Variants in PCDHA3 observed in about 807,000 individuals in gnomAD.
PCDHA3 encodes protocadherin alpha-3.
Under a neutral mutation model 62.2 loss-of-function variants are expected in PCDHA3, and 41 were observed. The observed-to-expected ratio is 0.66, with a 90% CI of 0.51 to 0.86. PCDHA3 has a LOEUF of 0.86. Among genes scored for constraint, PCDHA3 ranks in the 40% least tolerant of loss-of-function variants. The pLI is 0.00. For missense variants in PCDHA3, 1,304 were observed against 1,241.2 expected (o/e 1.05, Z -0.76); for synonymous variants, 640 against 555.4 (o/e 1.15, Z -2.14).
At chr5:140,828,315 T>G in intron 1 of PCDHA3, 1 of 1,614,172 alleles carries the variant, frequency 6.2e-7, no homozygotes, top group Non-Finnish European at 8.5e-7. Flanking sequence ...GAGGACCTTC[T>G]GGAGGTAAAT....
intron 3 of PCDHA3, among the ~76,000 whole-genome samples, chr5:140,997,525 A>G (rs1293979369): frequency 6.6e-6 from 1 of 152,242 alleles, no homozygotes; most frequent in African/African-American, 2.4e-5. Flanking sequence ...AAAAAGTACA[A>G]TAAAAATACA....
chr5:140,807,407 C>T lies in PCDHA3; in HGVS notation c.2394+3816C>T, dbSNP rs1554123978. 2.6e-6 allele frequency: 4 copies of T among 1,556,782 alleles called. 1 individual carries two copies. The highest frequency in any genetic ancestry group is 3.5e-6 in the Non-Finnish European group (4 of 1,143,142). On this transcript the variant is annotated intron_variant, in intron 1 of 3. Coordinates refer to ENST00000522353, the MANE Select transcript of PCDHA3 (RefSeq NM_018906.3). ...GGTGGCGTCCAAGGGCCGCGGAGGC[C>T]TTCTGGAGGTAAATCTGCAGAATGG...
intron 1 of PCDHA3, among the ~76,000 whole-genome samples, chr5:140,970,978 A>G (rs2096449048): frequency 1.3e-5 from 2 of 152,188 alleles, no homozygotes; most frequent in African/African-American, 4.8e-5. Flanking sequence ...ATTAAGAAAA[A>G]TGGGGGAATA....
chr5:141,000,279 G>A (rs528257063), intron 3 of PCDHA3, among the ~76,000 whole-genome samples: 60 of 151,092 alleles, frequency 4.0e-4, no homozygotes, highest in Middle Eastern at 3.4e-3. Context: ...GGAGGCAGAG[G>A]TGGGAATATT....
At chr5:140,983,299 A>T (rs1554245269) in intron 3 of PCDHA3, among the ~76,000 whole-genome samples, 1 of 152,186 alleles carries the variant, frequency 6.6e-6, no homozygotes. Flanking sequence ...GCTTAAACTC[A>T]CATTTGCTTG....
Position 140,801,254 on chromosome 5 carries a change from G to C in PCDHA3, c.57G>C (p.Leu19=). 6.2e-7 allele frequency: 1 copy of C among 1,613,704 alleles called. No individual in the cohort carries two copies. The highest frequency in any genetic ancestry group is 8.5e-7 in the Non-Finnish European group (1 of 1,179,836). The part of the protein sequence containing the change: ...PGAQCLLLSL[L]LLAASEVGSG... ...CCCAGTGCCTGCTGCTTTCTCTTCTGCTCCTCGCAGCCTCGGAGGTGGGGA... is the reference window on the plus strand; with the variant it reads ...CCCAGTGCCTGCTGCTTTCTCTTCTCCTCCTCGCAGCCTCGGAGGTGGGGA... The change falls in exon 1 of 4, where the codon CTG becomes CTC. Residue 19 remains leucine, a synonymous_variant. Transcript: ENST00000522353.
Position 140,927,704 on chromosome 5 carries a change from C to T in PCDHA3, c.2395-51245C>T, listed in dbSNP as rs782172290. ...GGGTCCAATGGGGAAGTCCAGTACT[C>T]CCTAAGCAACAGCACGCAAGCAGAG... On this transcript the variant is annotated intron_variant, in intron 1 of 3. Coordinates refer to ENST00000522353, the MANE Select transcript of PCDHA3 (RefSeq NM_018906.3). 6.2e-6 allele frequency: 10 copies of T among 1,614,072 alleles called. No homozygotes were observed. In the Admixed American group the frequency reaches 1.2e-4, roughly 19 times the overall value.
At chr5:140,882,823 T>C (rs2059326985) in intron 1 of PCDHA3, 1 of 1,614,160 alleles carries the variant, frequency 6.2e-7, no homozygotes, top group Non-Finnish European at 8.5e-7. Flanking sequence ...CACAAAACAG[T>C]CTTGAGCAAA....
intron 1 of PCDHA3, chr5:140,856,894 T>C (rs1389376451): frequency 6.3e-7 from 1 of 1,596,592 alleles, no homozygotes; most frequent in Non-Finnish European, 8.6e-7. Context: ...CATTTAGCTC[T>C]TTGGTCCCAC....
chr5:140,884,172 G>T lies in PCDHA3; in HGVS notation c.2394+80581G>T, dbSNP rs142435897. ...TACACTGGCGAGATCAGCACGACGCGCCCTCTGGACGAGGTGGACGCGCCG... is the reference window on the plus strand; with the variant it reads ...TACACTGGCGAGATCAGCACGACGCTCCCTCTGGACGAGGTGGACGCGCCG... On this transcript the variant is annotated intron_variant, in intron 1 of 3. Transcript: ENST00000522353. 84 of 1,613,386 alleles carry T rather than the reference G, an allele frequency of 5.2e-5. No homozygotes were observed. In the African/African-American group the frequency reaches 9.2e-4, roughly 18 times the overall value.
intron 1 of PCDHA3, chr5:140,876,798 C>T: frequency 6.2e-7 from 1 of 1,614,180 alleles, no homozygotes; most frequent in Non-Finnish European, 8.5e-7. Context: ...CTAGAGTGTC[C>T]GTGGAGGTGG....
At chr5:140,875,644 G>A in intron 1 of PCDHA3, 1 of 1,613,736 alleles carries the variant, frequency 6.2e-7, no homozygotes, top group Non-Finnish European at 8.5e-7. Flanking sequence ...GGAGCTGGCG[G>A]AGCTGGTGCC....
rs2150109820 is a variant in PCDHA3 at position 140,821,551 on chromosome 5, A to G, written c.2394+17960A>G. ...ATAAAACACTTACCCTTTCATCCAC[A>G]TGATGTCGCTGGACACCGGAAGGTT... is the stretch of plus-strand genomic sequence containing the variant. On this transcript the variant is annotated intron_variant, in intron 1 of 3. Transcript: ENST00000522353. 1.7e-4 allele frequency: 85 copies of G among 506,706 alleles called. 1 individual carries two copies. The South Asian group carries it at 3.0e-3, about 18-fold the overall frequency. 31.4% of individuals were successfully genotyped at this position (506,706 alleles called of 1,614,324 possible).
intron 1 of PCDHA3, among the ~76,000 whole-genome samples, chr5:140,971,500 T>C (rs2096483313): frequency 1.3e-5 from 2 of 152,136 alleles, no homozygotes; most frequent in Admixed American, 1.3e-4. Context: ...TGTGGCAAGA[T>C]AGGAGCAAAA....
At chr5:140,888,959 A>G (rs1554183707) in intron 1 of PCDHA3, among the ~76,000 whole-genome samples, 1 of 152,024 alleles carries the variant, frequency 6.6e-6, no homozygotes, top group African/African-American at 2.4e-5. Flanking sequence ...TTCTTTGGCA[A>G]TGTTAATGTG....
intron 3 of PCDHA3, among the ~76,000 whole-genome samples, chr5:140,986,473 CA>C (rs1217616254): frequency 6.6e-6 from 1 of 152,192 alleles, no homozygotes; most frequent in Non-Finnish European, 1.5e-5. Context: ...CTCTTGTGAT[CA>C]GTTCCTAGGG....
intron 1 of PCDHA3, among the ~76,000 whole-genome samples, chr5:140,840,809 C>T (rs1776884583): frequency 6.6e-6 from 1 of 151,832 alleles, no homozygotes; most frequent in Admixed American, 6.6e-5. Flanking sequence ...TAATATATAC[C>T]AGTGTTTCTG....
In PCDHA3 at chr5:140,802,051, T is replaced by G. The variant is rs781808156; in HGVS notation, c.854T>G (p.Met285Arg). 3 of 1,614,052 alleles carry G rather than the reference T, an allele frequency of 1.9e-6. No individual in the cohort carries two copies. The Admixed American group carries it at 5.0e-5, about 27-fold the overall frequency. ...ATCGCGTATTCTTTCAATACGGACA[T>G]GTCAGCAGATATTCTGTCAAAATTC... ...KDIAYSFNTD[M>R]SADILSKFHL... The change falls in exon 1 of 4, where the codon ATG becomes AGG. Residue 285 changes from methionine (M) to arginine (R), a missense_variant. Met to Arg is a moderately conservative substitution (Grantham distance 91, BLOSUM62 -1). Coordinates refer to ENST00000522353, the MANE Select transcript of PCDHA3 (RefSeq NM_018906.3).
At chr5:140,805,235 C>T in intron 1 of PCDHA3, 18 of 1,344,766 alleles carry the variant, frequency 1.3e-5, no homozygotes, top group Non-Finnish European at 1.7e-5. Flanking sequence ...TGCTGCATTC[C>T]CCATCTGTAC....
Sources: gnomAD v4.1 joint callset for allele counts (sites outside exome capture counted in the v4.1 genomes callset) on GRCh38, gnomAD v4.1.1 for gene constraint, MANE v1.5 for transcripts, NCBI Gene and HGNC (gene_info 2026-07-23, HGNC 2026-07-21) for gene names.